The following PIBF1 variants were observed in gnomAD, a reference collection of about 807,000 sequenced individuals.
The protein encoded by PIBF1 is progesterone-induced-blocking factor 1.
A neutral mutation model predicts 112.5 loss-of-function variants in PIBF1; 90 were observed. The observed-to-expected ratio is 0.80, with a 90% CI of 0.67 to 0.95. The LOEUF (loss-of-function observed/expected upper bound fraction) is 0.95. Among genes scored for constraint, PIBF1 ranks in the 40% least tolerant of loss-of-function variants. The pLI is 0.00. For synonymous variants in PIBF1, 301 were observed against 288.6 expected (o/e 1.04, Z -0.44); for missense variants, 915 against 852.3 (o/e 1.07, Z -0.92).
chr13:72,895,964 A>G (rs561274111), intron 11 of PIBF1, among the ~76,000 whole-genome samples: 9 of 152,128 alleles, frequency 5.9e-5, no homozygotes, highest in Non-Finnish European at 1.3e-4. Context: ...CCAGCCCTTC[A>G]GTTTTCGTGG....
At chr13:72,980,139 T>C (rs1239626079) in intron 16 of PIBF1, among the ~76,000 whole-genome samples, 4 of 152,116 alleles carry the variant, frequency 2.6e-5, no homozygotes, top group Non-Finnish European at 5.9e-5. Context: ...GTTGGAAATG[T>C]AGGTTCTTGT....
At chr13:72,967,989 T>A (rs1251772206) in intron 15 of PIBF1, among the ~76,000 whole-genome samples, 1 of 151,834 alleles carries the variant, frequency 6.6e-6, no homozygotes, top group African/African-American at 2.4e-5. Flanking sequence ...ATCGAGACCA[T>A]CCTGGCTAAC....
At chr13:72,941,216 T>A (rs1468502555) in intron 14 of PIBF1, among the ~76,000 whole-genome samples, 2 of 152,214 alleles carry the variant, frequency 1.3e-5, no homozygotes, top group Admixed American at 6.5e-5. Flanking sequence ...GTTTTATTAG[T>A]TGGTCCAGTA....
intron 10 of PIBF1, among the ~76,000 whole-genome samples, chr13:72,866,071 A>G (rs1330745238): frequency 1.3e-5 from 2 of 152,106 alleles, no homozygotes; most frequent in African/African-American, 4.8e-5. Flanking sequence ...GCCTCCAGGC[A>G]TTCCTTGGCT....
intron 13 of PIBF1, among the ~76,000 whole-genome samples, chr13:72,924,819 A>G (rs1303787473): frequency 6.6e-6 from 1 of 152,226 alleles, no homozygotes; most frequent in Non-Finnish European, 1.5e-5. Flanking sequence ...GCATCTGTTT[A>G]GGGAGAAATG....
intron 17 of PIBF1, among the ~76,000 whole-genome samples, chr13:73,013,389 A>G (rs2044276927): frequency 6.6e-6 from 1 of 151,566 alleles, no homozygotes; most frequent in Non-Finnish European, 1.5e-5. Flanking sequence ...ACGGTGACAG[A>G]ATTTCCCCCA....
rs1195505192 is a variant in PIBF1 at position 72,998,327 on chromosome 13, T to G, written c.2050-495T>G. Among the ~76,000 whole-genome samples, 4 of 152,250 alleles carry G rather than the reference T, an allele frequency of 2.6e-5. No homozygotes were observed. In the South Asian group the frequency reaches 8.3e-4, roughly 31 times the overall value. ...TCAAAAATTCCAAAATACAAAAAAA[T>G]TAGCTGGGCGTGGTGGCATGCGCCT... On this transcript the variant is annotated intron_variant, in intron 16 of 17. Transcript: ENST00000326291.
intron 1 of PIBF1, among the ~76,000 whole-genome samples, chr13:72,782,609 G>T (rs1479505621): frequency 6.6e-6 from 1 of 152,120 alleles, no homozygotes; most frequent in African/African-American, 2.4e-5. Flanking sequence ...TAGAAAAACT[G>T]AAATATTTAA....
At position 72,876,134 on chromosome 13, in the gene PIBF1, C is replaced by CT. The variant is rs386363749; in HGVS notation, c.1323-17631dup. On this transcript the variant is annotated intron_variant, in intron 10 of 17. Coordinates refer to ENST00000326291, the MANE Select transcript of PIBF1 (RefSeq NM_006346.4). ...AAAGGTGTAAGTCTGTGTTCAGATTCTTTTTTTTTTTTTTTTTTTGCATGT... is the reference window on the plus strand; with the variant it reads ...AAAGGTGTAAGTCTGTGTTCAGATTCTTTTTTTTTTTTTTTTTTTTGCATGT... 6.4e-3 allele frequency among the ~76,000 whole-genome samples: 586 copies of CT among 91,146 alleles called. 29 individuals are homozygous for CT. Among genetic ancestry groups the CT allele is most frequent in the Non-Finnish European group, 7.2e-3 (363 of 50,372 alleles). 59.8% of individuals were successfully genotyped at this position (91,146 alleles called of 152,430 possible). A position where few individuals can be genotyped will look rare whatever the true frequency, so the allele number is the denominator to read the frequency against.
intron 12 of PIBF1, among the ~76,000 whole-genome samples, chr13:72,916,262 G>A (rs1160264941): frequency 6.6e-6 from 1 of 151,670 alleles, no homozygotes; most frequent in Non-Finnish European, 1.5e-5. Context: ...CTTGGTGGTG[G>A]GCACCTGCAA....
At chr13:73,005,315 T>C (rs2043997781) in intron 17 of PIBF1, among the ~76,000 whole-genome samples, 1 of 151,524 alleles carries the variant, frequency 6.6e-6, no homozygotes. Context: ...AAAAAATTTT[T>C]TTTTTAAATT....
At chr13:72,973,932 A>G (rs2042960767) in intron 16 of PIBF1, 2 of 438,006 alleles carry the variant, frequency 4.6e-6, no homozygotes, top group African/African-American at 4.1e-5. Context: ...AATCTGTTTT[A>G]TCTTATTCTG....
chr13:72,804,955 G>A (rs1204339224), intron 5 of PIBF1, among the ~76,000 whole-genome samples: 1 of 152,020 alleles, frequency 6.6e-6, no homozygotes, highest in Non-Finnish European at 1.5e-5. Context: ...ATATATAGCT[G>A]CAACCACCAT....
chr13:72,905,302 G>T (rs1021712641), intron 11 of PIBF1, among the ~76,000 whole-genome samples: 1 of 151,930 alleles, frequency 6.6e-6, no homozygotes, highest in African/African-American at 2.4e-5. Context: ...TGCTGACCTC[G>T]TGATCCGCAC....
intron 11 of PIBF1, among the ~76,000 whole-genome samples, chr13:72,904,756 A>G (rs1178227283): frequency 2.0e-5 from 3 of 151,608 alleles, no homozygotes; most frequent in Non-Finnish European, 4.4e-5. Context: ...TTTCTTTTTT[A>G]ATGGCATTCA....
intron 14 of PIBF1, among the ~76,000 whole-genome samples, chr13:72,938,356 C>T (rs1390252508): frequency 6.6e-6 from 1 of 152,070 alleles, no homozygotes; most frequent in Admixed American, 6.6e-5. Context: ...AGTGACTCCC[C>T]ATTCCCGCCT....
intron 14 of PIBF1, among the ~76,000 whole-genome samples, chr13:72,944,870 G>T (rs540764850): frequency 2.0e-5 from 3 of 152,000 alleles, no homozygotes; most frequent in Non-Finnish European, 2.9e-5. Flanking sequence ...TGGTTCAAGC[G>T]ATTCTCCTGC....
intron 9 of PIBF1, among the ~76,000 whole-genome samples, chr13:72,851,124 G>T (rs888011141): frequency 6.6e-6 from 1 of 152,182 alleles, no homozygotes; most frequent in African/African-American, 2.4e-5. Flanking sequence ...GGGGAGGCGC[G>T]TCCAGGGCTG....
intron 2 of PIBF1, among the ~76,000 whole-genome samples, chr13:72,789,592 G>A (rs1003711752): frequency 6.6e-6 from 1 of 151,796 alleles, no homozygotes; most frequent in African/African-American, 2.4e-5. Flanking sequence ...TTGTCCTTGA[G>A]TTAAGAGACT....
Sources: allele counts gnomAD v4.1 joint callset (sites outside exome capture counted in the v4.1 genomes callset), GRCh38; gene constraint gnomAD v4.1.1; transcripts MANE v1.5; gene names NCBI Gene and HGNC (gene_info 2026-07-23, HGNC 2026-07-21).